The following FKTN variants were observed in gnomAD, a reference collection of about 807,000 sequenced individuals.
FKTN encodes ribitol-5-phosphate transferase FKTN.
A neutral mutation model predicts 58.6 loss-of-function variants in FKTN; 47 were observed. The ratio of observed to expected loss-of-function variants is 0.80; its 90% CI spans 0.63 to 1.02. The LOEUF (loss-of-function observed/expected upper bound fraction) is 1.02, where lower values mean the gene tolerates loss of function less well. Among genes scored for constraint, FKTN ranks in the 50% least tolerant of loss-of-function variants. The probability of loss-of-function intolerance (pLI) is 0.00; values close to 1 mark genes in which losing one functional copy is unlikely to be tolerated. For synonymous variants in FKTN, 178 were observed against 191.9 expected (o/e 0.93, Z 0.60); for missense variants, 516 against 537.3 (o/e 0.96, Z 0.39).
At chr9:105,569,571 A>G (rs1014067329) in intron 1 of FKTN, among the ~76,000 whole-genome samples, 1 of 152,172 alleles carries the variant, frequency 6.6e-6, no homozygotes, top group African/African-American at 2.4e-5. Context: ...GTTAACTCTG[A>G]CACCTATAAC....
intron 1 of FKTN, among the ~76,000 whole-genome samples, chr9:105,567,794 T>A (rs548641850): frequency 6.6e-6 from 1 of 152,212 alleles, no homozygotes; most frequent in Admixed American, 6.5e-5. Context: ...AAAACTACTT[T>A]AGAGTTCATA....
rs1212755855 is a variant in FKTN, at chr9:105,637,982, T to C, written c.*2718T>C. On this transcript the variant is annotated 3_prime_UTR_variant, in exon 11 of 11. Transcript: ENST00000357998. The stretch of plus-strand genomic sequence containing the variant: ...TGAAATTGACCACTAGGTGACAGAA[T>C]GTTTGCCAGTATCCCCACAAAACAA... 5.1e-6 allele frequency: 5 copies of C among 985,310 alleles called. No homozygotes were observed. The highest frequency in any genetic ancestry group is 3.5e-5 in the African/African-American group (2 of 57,246). The allele number at this position is 985,310 out of a possible 1,614,324, so 61.0% of individuals were successfully genotyped here.
At chr9:105,622,339 G>C (rs1265214732) in intron 10 of FKTN, among the ~76,000 whole-genome samples, 2 of 151,642 alleles carry the variant, frequency 1.3e-5, no homozygotes, top group African/African-American at 4.8e-5. Flanking sequence ...TTTTTTAAAA[G>C]GCAGAAGAGG....
chr9:105,589,696 G>A (rs76206496), intron 3 of FKTN, among the ~76,000 whole-genome samples: 22 of 152,114 alleles, frequency 1.4e-4, no homozygotes, highest in Non-Finnish European at 3.1e-4. Context: ...AATAATTTGA[G>A]TTGGTGTTGT....
At chr9:105,580,308 T>C (rs1052222805) in intron 3 of FKTN, among the ~76,000 whole-genome samples, 1 of 152,144 alleles carries the variant, frequency 6.6e-6, no homozygotes, top group African/African-American at 2.4e-5. Context: ...CTGGTACCGG[T>C]TGTTCCTTTC....
At position 105,637,123 on chromosome 9, in the gene FKTN, G is replaced by A. The variant is rs149725616; in HGVS notation, c.*1859G>A. ...TCATTTTTCATGCTTAAAAATAATAGAACAAATAATAATACTATTTTTGGG... is the reference window on the plus strand; with the variant it reads ...TCATTTTTCATGCTTAAAAATAATAAAACAAATAATAATACTATTTTTGGG... On this transcript the variant is annotated 3_prime_UTR_variant, in exon 11 of 11. Coordinates refer to ENST00000357998, the MANE Select transcript of FKTN (RefSeq NM_001079802.2). 8.1e-6 allele frequency: 8 copies of A among 986,668 alleles called. No individual in the cohort carries two copies. Among genetic ancestry groups the A allele is most frequent in the Non-Finnish European group, 9.6e-6 (8 of 830,238 alleles). The allele number at this position is 986,668 out of a possible 1,614,324, so 61.1% of individuals were successfully genotyped here. A position where few individuals can be genotyped will look rare whatever the true frequency, so the allele number is the denominator to read the frequency against.
intron 3 of FKTN, among the ~76,000 whole-genome samples, chr9:105,593,642 G>A (rs559748005): frequency 1.5e-4 from 23 of 152,212 alleles, no homozygotes; most frequent in African/African-American, 5.1e-4. Context: ...TCTGAGGTTT[G>A]GGACCCTCCA....
intron 10 of FKTN, among the ~76,000 whole-genome samples, chr9:105,626,383 G>T (rs963847713): frequency 8.5e-5 from 13 of 152,168 alleles, no homozygotes; most frequent in African/African-American, 2.9e-4. Flanking sequence ...CCTGGTTGTA[G>T]ACTGCTGATT....
At chr9:105,582,034 G>T (rs953602919) in intron 3 of FKTN, among the ~76,000 whole-genome samples, 51 of 152,170 alleles carry the variant, frequency 3.4e-4, no homozygotes, top group Non-Finnish European at 6.9e-4. Context: ...CTCGCGCACG[G>T]TGCGCGCACC....
At chr9:105,634,992 A>T in intron 10 of FKTN, 59 bp from the exon 11 acceptor site, 2 of 1,365,872 alleles carry the variant, frequency 1.5e-6, no homozygotes, top group Non-Finnish European at 2.1e-6. Context: ...ACTAGCAGCT[A>T]GATTCCTTAG....
chr9:105,630,175 A>G (rs1833235733), intron 10 of FKTN, among the ~76,000 whole-genome samples: 1 of 152,168 alleles, frequency 6.6e-6, no homozygotes. Flanking sequence ...CGTTGTGCAC[A>G]TGTACCCTAG....
At chr9:105,579,135 T>A (rs1842363416) in intron 3 of FKTN, among the ~76,000 whole-genome samples, 1 of 152,168 alleles carries the variant, frequency 6.6e-6, no homozygotes, top group Non-Finnish European at 1.5e-5. Context: ...TTCATTGATT[T>A]TTTGAATGGT....
intron 3 of FKTN, among the ~76,000 whole-genome samples, chr9:105,583,541 T>C (rs1233679663): frequency 6.6e-6 from 1 of 152,230 alleles, no homozygotes; most frequent in Non-Finnish European, 1.5e-5. Flanking sequence ...TATTTGTGTC[T>C]TTCATATATG....
intron 3 of FKTN, among the ~76,000 whole-genome samples, chr9:105,581,102 T>G (rs932955907): frequency 6.0e-5 from 9 of 150,040 alleles, no homozygotes; most frequent in African/African-American, 2.2e-4. Context: ...CTTCTTTGCC[T>G]TTGGTTTGAA....
intron 1 of FKTN, among the ~76,000 whole-genome samples, chr9:105,567,894 C>G (rs1320297072): frequency 6.6e-6 from 1 of 152,200 alleles, no homozygotes; most frequent in Non-Finnish European, 1.5e-5. Context: ...TCAAACTATA[C>G]TACAAGGCTA....
chr9:105,571,867 G>A (rs891343510), intron 1 of FKTN, among the ~76,000 whole-genome samples: 1 of 152,104 alleles, frequency 6.6e-6, no homozygotes, highest in Non-Finnish European at 1.5e-5. Flanking sequence ...TGCAACTTTT[G>A]CGTGCTAATA....
At chr9:105,580,464 T>C (rs1400385065) in intron 3 of FKTN, among the ~76,000 whole-genome samples, 4 of 136,362 alleles carry the variant, frequency 2.9e-5, no homozygotes, top group African/African-American at 1.1e-4. Flanking sequence ...GGGTTGAAAA[T>C]TCTTTTCTTT....
Position 105,638,959 on chromosome 9 carries a change from T to A in FKTN, c.*3695T>A. 1 of 985,300 alleles carries A rather than the reference T, an allele frequency of 1.0e-6. No homozygotes were observed. Among genetic ancestry groups the A allele is most frequent in the Non-Finnish European group, 1.2e-6 (1 of 829,828 alleles). The allele number at this position is 985,300 out of a possible 1,614,324, so 61.0% of individuals were successfully genotyped here. ...CAGAGCTAAATCTGGAAAACACATT[T>A]GGAATGAGCTTCCACACTTCAGTCT... On this transcript the variant is annotated 3_prime_UTR_variant, in exon 11 of 11. Transcript: ENST00000357998.
Position 105,639,318 on chromosome 9 carries a change from G to A in FKTN, c.*4054G>A. The A allele has an allele frequency of 2.0e-6, 2 of 979,588 alleles. No individual in the cohort carries two copies. Among genetic ancestry groups the A allele is most frequent in the Non-Finnish European group, 2.4e-6 (2 of 824,596 alleles). 60.7% of individuals were successfully genotyped at this position (979,588 alleles called of 1,614,324 possible). A position where few individuals can be genotyped will look rare whatever the true frequency, so the allele number is the denominator to read the frequency against. On this transcript the variant is annotated 3_prime_UTR_variant, in exon 11 of 11. Coordinates refer to ENST00000357998, the MANE Select transcript of FKTN (RefSeq NM_001079802.2). ...TAACATCTCACTCAGGGAAGGCAATGTGTTGCCATAAAAAGACCACAAGCT... is the reference window on the plus strand; with the variant it reads ...TAACATCTCACTCAGGGAAGGCAATATGTTGCCATAAAAAGACCACAAGCT...
Sources: gnomAD v4.1 joint callset for allele counts (sites outside exome capture counted in the v4.1 genomes callset) on GRCh38, gnomAD v4.1.1 for gene constraint, MANE v1.5 for transcripts, NCBI Gene and HGNC (gene_info 2026-07-23, HGNC 2026-07-21) for gene names.